NFASC: variants seen among roughly 807,000 people sequenced by gnomAD.
The protein encoded by NFASC is neurofascin.
A neutral mutation model predicts 147.5 loss-of-function variants in NFASC; 43 were observed. The ratio of observed to expected loss-of-function variants is 0.29; its 90% CI spans 0.23 to 0.38. The LOEUF (loss-of-function observed/expected upper bound fraction) is 0.38, where lower values mean the gene tolerates loss of function less well. Among genes scored for constraint, NFASC ranks in the 10% least tolerant of loss-of-function variants. The pLI is 1.00. For synonymous variants in NFASC, 622 were observed against 665.5 expected, an observed-to-expected ratio of 0.93 and a Z score of 1.01; for missense variants, 1,320 against 1,689.0, an observed-to-expected ratio of 0.78 and a Z score of 3.83.
At position 204,986,229 on chromosome 1, in the gene NFASC, G is replaced by A. The variant is rs2095612539; in HGVS notation, c.2471-1189G>A. 1.4e-6 allele frequency: 1 copy of A among 724,256 alleles called. No homozygotes were observed. Among genetic ancestry groups the A allele is most frequent in the Non-Finnish European group, 2.4e-6 (1 of 422,786 alleles). The allele number at this position is 724,256 out of a possible 1,614,324, so 44.9% of individuals were successfully genotyped here. ...GATGGCACAAGGTGACTTCTGCGAG[G>A]CCTCCAGGAGCGGATGACCTGCAAG... On this transcript the variant is annotated intron_variant, in intron 21 of 29. Transcript: ENST00000339876. The surrounding 1 kb of genome is among the most constrained non-coding windows in gnomAD (Gnocchi z 4.2).
chr1:204,954,472 C>T lies in NFASC; in HGVS notation c.412+88C>T. On this transcript the variant is annotated intron_variant, in intron 6 of 29. Transcript: ENST00000339876. This position sits in a 1 kb window ranked among gnomAD's most constrained non-coding sequence, Gnocchi z 5.7. ...GGAAGGCCATTCCAGAAGGGCTGCC[C>T]CTGCCCTTGGCCTGCAGTTGCCTTG... The T allele has an allele frequency of 1.5e-6, 2 of 1,292,092 alleles. No individual in the cohort carries two copies. Among genetic ancestry groups the T allele is most frequent in the East Asian group, 2.4e-5 (1 of 41,020 alleles). The allele number at this position is 1,292,092 out of a possible 1,614,324, so 80.0% of individuals were successfully genotyped here.
chr1:204,979,171 T>A lies in NFASC; in HGVS notation c.1978+102T>A. 9.3e-7 allele frequency: 1 copy of A among 1,078,904 alleles called. No individual in the cohort carries two copies. The highest frequency in any genetic ancestry group is 1.5e-5 in the South Asian group (1 of 68,170). The allele number at this position is 1,078,904 out of a possible 1,614,324, so 66.8% of individuals were successfully genotyped here. ...CCAGCCCCACTTCTGCCTCGCTTGA[T>A]GTGTGTCCTGGGCTAACCTCAGAAT... On this transcript the variant is annotated intron_variant, in intron 18 of 29. Coordinates refer to ENST00000339876, the MANE Select transcript of NFASC (RefSeq NM_001005388.3). This position sits in a 1 kb window ranked among gnomAD's most constrained non-coding sequence, Gnocchi z 6.0.
intron 11 of NFASC, among the ~76,000 whole-genome samples, chr1:204,971,377 A>T (rs1303147727): frequency 6.6e-6 from 1 of 152,160 alleles, no homozygotes; most frequent in Non-Finnish European, 1.5e-5. Flanking sequence ...TTTTCACATC[A>T]TAGACTCTCT....
rs2095663666 is a variant in NFASC, at chr1:204,988,762, C to T, written c.2723C>T (p.Ser908Phe). Residue 908 changes from serine (S) to phenylalanine (F), a missense_variant, in exon 23 of 30, where the codon TCT (serine) becomes TTT (phenylalanine). Ser to Phe is a radical substitution (Grantham distance 155). Transcript: ENST00000339876. ...CTCAGCGCCAGGACGCAGGTGGGCT[C>T]TGGGGAAGCCGTCACAGAGGAGTCA... ...FTLSARTQVG[S>F]GEAVTEESPA... 1 of 1,614,220 alleles carries T rather than the reference C, an allele frequency of 6.2e-7. No homozygotes were observed. Among genetic ancestry groups the T allele is most frequent in the South Asian group, 1.1e-5 (1 of 91,088 alleles).
chr1:205,008,640 C>T (rs60827611), intron 27 of NFASC: 7,523 of 152,740 alleles, frequency 0.049, 358 homozygotes, highest in African/African-American at 0.12. Context: ...ATCAAGGACA[C>T]CCTCAGGTGA....
intron 3 of NFASC, among the ~76,000 whole-genome samples, chr1:204,950,038 G>A (rs1384373887): frequency 1.3e-5 from 2 of 152,252 alleles, no homozygotes; most frequent in Non-Finnish European, 2.9e-5. Flanking sequence ...GGATGGGAAA[G>A]GAGGAGATGC....
At chr1:204,849,516 C>G (rs944335786) in intron 1 of NFASC, among the ~76,000 whole-genome samples, 1 of 152,184 alleles carries the variant, frequency 6.6e-6, no homozygotes, top group Non-Finnish European at 1.5e-5. Flanking sequence ...ATGTGTGTTT[C>G]TGACAGGTTC....
At chr1:204,862,271 C>T (rs1364679125) in intron 1 of NFASC, among the ~76,000 whole-genome samples, 2 of 152,182 alleles carry the variant, frequency 1.3e-5, no homozygotes, top group African/African-American at 4.8e-5. Flanking sequence ...AAAGATTTGT[C>T]ACCATGGGGT....
At chr1:204,963,959 A>T (rs2094815870) in intron 8 of NFASC, among the ~76,000 whole-genome samples, 1 of 152,184 alleles carries the variant, frequency 6.6e-6, no homozygotes, top group South Asian at 2.1e-4. Flanking sequence ...AGTGATTTCT[A>T]GAGTGGATTG....
intron 1 of NFASC, among the ~76,000 whole-genome samples, chr1:204,841,273 C>T (rs527611898): frequency 4.6e-5 from 7 of 152,212 alleles, no homozygotes; most frequent in Non-Finnish European, 8.8e-5. Context: ...AGGGGAACCA[C>T]CTTGCCCCAC....
intron 1 of NFASC, among the ~76,000 whole-genome samples, chr1:204,897,286 G>A (rs1193126931): frequency 1.3e-5 from 2 of 152,128 alleles, no homozygotes; most frequent in Admixed American, 1.3e-4. Flanking sequence ...GATGGAGGGT[G>A]GGGTGAGTTC....
chr1:204,985,050 C>T (rs565597968), intron 21 of NFASC, among the ~76,000 whole-genome samples: 1 of 152,214 alleles, frequency 6.6e-6, no homozygotes, highest in Non-Finnish European at 1.5e-5. Context: ...AGCTCTTCCC[C>T]ACAGATGACT....
chr1:204,983,215 G>A (rs1449945544), intron 21 of NFASC, among the ~76,000 whole-genome samples: 3 of 152,188 alleles, frequency 2.0e-5, no homozygotes, highest in African/African-American at 7.2e-5. Flanking sequence ...GCGGCAGAGT[G>A]GAGAAAACAG....
chr1:204,846,923 T>A (rs762872411), intron 1 of NFASC, among the ~76,000 whole-genome samples: 16 of 150,182 alleles, frequency 1.1e-4, no homozygotes, highest in Non-Finnish European at 2.1e-4. Context: ...GTGGTGCTAA[T>A]GGAAGACTGC....
In NFASC at chr1:204,885,742, A is replaced by C. The variant is rs187717625; in HGVS notation, c.-199-34890A>C. Among the ~76,000 whole-genome samples the C allele has an allele frequency of 7.4e-4, 113 of 152,256 alleles. 1 individual carries two copies. The highest frequency in any genetic ancestry group is 4.1e-3 in the South Asian group (20 of 4,824). On this transcript the variant is annotated intron_variant, in intron 1 of 29. Transcript: ENST00000339876. The stretch of plus-strand genomic sequence containing the variant: ...CTTTAGGAAAGCTAAGTTCTGGTTC[A>C]GTTTGTGAGTTCCATAACCTTAGAC...
intron 21 of NFASC, among the ~76,000 whole-genome samples, chr1:204,982,782 C>G (rs1476853375): frequency 6.6e-6 from 1 of 152,202 alleles, no homozygotes. Context: ...CCTGTTGAGT[C>G]TGGGTCTGAT....
At chr1:204,984,204 CA>C (rs1006618901) in intron 21 of NFASC, 2 of 1,042,778 alleles carry the variant, frequency 1.9e-6, no homozygotes, top group African/African-American at 3.1e-5. Flanking sequence ...CCAGGGGTAG[CA>C]AATGCGGGCT....
intron 28 of NFASC, among the ~76,000 whole-genome samples, chr1:205,011,285 C>G (rs1178050439): frequency 6.6e-6 from 1 of 151,074 alleles, no homozygotes; most frequent in Non-Finnish European, 1.5e-5. Context: ...GCCCAAGTAC[C>G]CACAGACTAG....
chr1:204,967,382 A>G (rs927547159), intron 8 of NFASC, among the ~76,000 whole-genome samples: 6 of 152,126 alleles, frequency 3.9e-5, no homozygotes, highest in African/African-American at 7.2e-5. Context: ...TCACTCTGTC[A>G]TGGGTGGGCC....
Sources: allele counts gnomAD v4.1 joint callset (sites outside exome capture counted in the v4.1 genomes callset), GRCh38; gene constraint gnomAD v4.1.1; non-coding constraint Gnocchi (gnomAD v3.1); transcripts MANE v1.5; gene names NCBI Gene and HGNC (gene_info 2026-07-23, HGNC 2026-07-21).